Variants in DLGAP2 observed in about 807,000 individuals in gnomAD.
The protein encoded by DLGAP2 is disks large-associated protein 2.
DLGAP2 carries 26 observed loss-of-function variants against 100.3 expected under a neutral mutation model. That is an observed-to-expected ratio of 0.26 (90% CI 0.19 to 0.36). The LOEUF is 0.36. Among genes scored for constraint, DLGAP2 ranks in the 10% least tolerant of loss-of-function variants. The pLI, the probability that DLGAP2 is intolerant of heterozygous loss-of-function variation, is 1.00. For missense variants in DLGAP2, 1,858 were observed against 1,453.2 expected (o/e 1.28, Z -4.53); for synonymous variants, 886 against 630.1 (o/e 1.41, Z -6.08).
chr8:1,048,000 G>A (rs955827958), intron 2 of DLGAP2, among the ~76,000 whole-genome samples: 16 of 152,152 alleles, frequency 1.1e-4, no homozygotes, highest in African/African-American at 3.9e-4. Context: ...GACCGTTAAG[G>A]CCTGCAAGGG....
intron 6 of DLGAP2, among the ~76,000 whole-genome samples, chr8:1,579,337 A>G (rs1182458020): frequency 6.6e-6 from 1 of 152,214 alleles, no homozygotes; most frequent in Non-Finnish European, 1.5e-5. Context: ...GTGTGTATAT[A>G]TATAGACACA....
At chr8:1,673,644 G>A (rs1443895476) in intron 10 of DLGAP2, among the ~76,000 whole-genome samples, 1 of 152,230 alleles carries the variant, frequency 6.6e-6, no homozygotes, top group African/African-American at 2.4e-5. Context: ...TGCTGTGGAC[G>A]AACCTACTTG....
chr8:1,045,638 G>A (rs887215511), intron 2 of DLGAP2, among the ~76,000 whole-genome samples: 2 of 152,042 alleles, frequency 1.3e-5, no homozygotes, highest in African/African-American at 2.4e-5. Context: ...CTCCCCAACC[G>A]CGCCCCCACC....
At chr8:1,603,460 C>G (rs984074629) in intron 6 of DLGAP2, among the ~76,000 whole-genome samples, 2 of 151,338 alleles carry the variant, frequency 1.3e-5, no homozygotes, top group Non-Finnish European at 1.5e-5. Context: ...GAGGCTGGGT[C>G]TCAGTTCTGT....
At chr8:765,722 G>A (rs948598814) in intron 1 of DLGAP2, among the ~76,000 whole-genome samples, 4 of 152,228 alleles carry the variant, frequency 2.6e-5, no homozygotes, top group Middle Eastern at 3.4e-3. Flanking sequence ...CCTTCACCTC[G>A]TTGCTCTGCC....
At chr8:1,322,374 T>C (rs1437361792) in intron 3 of DLGAP2, among the ~76,000 whole-genome samples, 1 of 152,230 alleles carries the variant, frequency 6.6e-6, no homozygotes, top group Non-Finnish European at 1.5e-5. Context: ...CATGTATTAA[T>C]AGAGAAATGT....
chr8:1,651,664 G>A (rs548246244), intron 8 of DLGAP2, among the ~76,000 whole-genome samples: 2 of 152,276 alleles, frequency 1.3e-5, no homozygotes, highest in Admixed American at 6.5e-5. Context: ...TCCGTTCTCT[G>A]CGTTCACAAA....
intron 2 of DLGAP2, among the ~76,000 whole-genome samples, chr8:1,157,541 C>A (rs574429460): frequency 6.6e-6 from 1 of 152,300 alleles, no homozygotes; most frequent in Admixed American, 6.5e-5. Flanking sequence ...CCTTTCAGAA[C>A]CAATCAGGCT....
At chr8:748,748 C>T (rs1385834439) in intron 1 of DLGAP2, among the ~76,000 whole-genome samples, 1 of 152,188 alleles carries the variant, frequency 6.6e-6, no homozygotes, top group Admixed American at 6.5e-5. Flanking sequence ...TTAGAGCCCT[C>T]CTCTGCAGTG....
At chr8:1,287,967 G>A (rs1464945332) in intron 3 of DLGAP2, among the ~76,000 whole-genome samples, 1 of 117,356 alleles carries the variant, frequency 8.5e-6, no homozygotes, top group Non-Finnish European at 1.7e-5. Context: ...TGGTTGTTAG[G>A]GGAACTAGTT....
At chr8:961,745 A>T (rs1251797936) in intron 2 of DLGAP2, among the ~76,000 whole-genome samples, 1 of 152,250 alleles carries the variant, frequency 6.6e-6, no homozygotes, top group Non-Finnish European at 1.5e-5. Context: ...AAAGAAATTT[A>T]TCCCGACATT....
chr8:1,272,852 G>A (rs1799610607), intron 3 of DLGAP2, among the ~76,000 whole-genome samples: 1 of 152,174 alleles, frequency 6.6e-6, no homozygotes, highest in African/African-American at 2.4e-5. Context: ...GTAAACATCT[G>A]TAGAGGCTTT....
rs140653734 is a variant in DLGAP2, at chr8:1,499,821, C to G, written c.107-1545C>G. Among the ~76,000 whole-genome samples, 363 of 152,376 alleles carry G rather than the reference C, an allele frequency of 2.4e-3. 1 individual carries two copies. The highest frequency in any genetic ancestry group is 8.1e-3 in the African/African-American group (339 of 41,600). ...TTCATCAGCATCTCACATTCCAAAT[C>G]TGTCATCTTCCTTTCCCAAACCTCT... On this transcript the variant is annotated intron_variant, in intron 3 of 14. Coordinates refer to ENST00000637795, the MANE Select transcript of DLGAP2 (RefSeq NM_001346810.2).
rs371716367 is a variant in DLGAP2, at chr8:838,777, G to T, written c.19-69135G>T. 6.6e-5 allele frequency among the ~76,000 whole-genome samples: 10 copies of T among 152,158 alleles called. No individual in the cohort carries two copies. The East Asian group carries it at 7.7e-4, about 12-fold the overall frequency. ...TTAATGAGAGAAAAAGAGCCTTCTT[G>T]CTTGCACATCATGGCTGACGGCAGA... On this transcript the variant is annotated intron_variant, in intron 1 of 14. Coordinates refer to ENST00000637795, the MANE Select transcript of DLGAP2 (RefSeq NM_001346810.2).
intron 2 of DLGAP2, among the ~76,000 whole-genome samples, chr8:969,911 A>T (rs1247694790): frequency 3.3e-5 from 5 of 152,250 alleles, no homozygotes; most frequent in Non-Finnish European, 7.3e-5. Context: ...TATTGTCAAT[A>T]GCATAAACAT....
At chr8:1,193,703 C>T (rs542843572) in intron 2 of DLGAP2, among the ~76,000 whole-genome samples, 22 of 152,192 alleles carry the variant, frequency 1.4e-4, no homozygotes, top group African/African-American at 3.9e-4. Flanking sequence ...CGTGGCTGGC[C>T]CTCTCTGCAC....
chr8:1,432,859 C>A (rs908200214), intron 3 of DLGAP2, among the ~76,000 whole-genome samples: 21 of 152,174 alleles, frequency 1.4e-4, no homozygotes, highest in African/African-American at 4.8e-4. Context: ...TGACTTGGGT[C>A]CTGACACAGA....
intron 2 of DLGAP2, among the ~76,000 whole-genome samples, chr8:1,192,663 CTT>C (rs200041273): frequency 5.8e-5 from 8 of 138,168 alleles, no homozygotes; most frequent in African/African-American, 1.3e-4. Flanking sequence ...TATCTGGTTT[CTT>C]TTTTTTTTTT....
intron 6 of DLGAP2, among the ~76,000 whole-genome samples, chr8:1,584,820 T>C (rs1796067359): frequency 6.6e-6 from 1 of 152,210 alleles, no homozygotes. Context: ...TGTTTCGTGC[T>C]GTTTCCAGTA....
Sources: allele counts gnomAD v4.1 joint callset (sites outside exome capture counted in the v4.1 genomes callset), GRCh38; gene constraint gnomAD v4.1.1; transcripts MANE v1.5; gene names NCBI Gene and HGNC (gene_info 2026-07-23, HGNC 2026-07-21).